Variants in PPM1D observed in about 807,000 individuals in gnomAD.
PPM1D encodes the protein protein phosphatase 1D.
Under a neutral mutation model 58.3 loss-of-function variants are expected in PPM1D, and 52 were observed. That is an observed-to-expected ratio of 0.89 (90% CI 0.71 to 1.12). The LOEUF (loss-of-function observed/expected upper bound fraction) is 1.12. Among genes scored for constraint, PPM1D ranks in the 50% most tolerant of loss-of-function variants. PPM1D has a pLI of 0.00. For synonymous variants in PPM1D, 278 were observed against 285.1 expected (o/e 0.98, Z 0.25); for missense variants, 564 against 777.2 (o/e 0.73, Z 3.26).
chr17:60,609,678 G>A (rs2030414308), intron 1 of PPM1D, among the ~76,000 whole-genome samples: 1 of 152,064 alleles, frequency 6.6e-6, no homozygotes, highest in Non-Finnish European at 1.5e-5. Context: ...TTAGTAGCTT[G>A]TTAGTCACTT....
At chr17:60,623,168 A>G (rs986794962) in intron 1 of PPM1D, among the ~76,000 whole-genome samples, 1 of 152,192 alleles carries the variant, frequency 6.6e-6, no homozygotes, top group Admixed American at 6.5e-5. Flanking sequence ...AAATGATACC[A>G]CAACTCTTGA....
intron 2 of PPM1D, 112 bp downstream of exon 2, chr17:60,623,861 T>C: frequency 9.3e-7 from 1 of 1,073,912 alleles, no homozygotes; most frequent in East Asian, 2.6e-5. Context: ...TTTCTTAGTA[T>C]TACAGGTTTT....
In PPM1D at chr17:60,600,795, G is replaced by T; in HGVS notation, c.381G>T (p.Gln127His). 6.2e-7 allele frequency: 1 copy of T among 1,612,996 alleles called. No individual in the cohort carries two copies. Among genetic ancestry groups the T allele is most frequent in the Non-Finnish European group, 8.5e-7 (1 of 1,180,004 alleles). ...REHLWGFIKK[Q>H]KGFTSSEPAK... ...ACTTGTGGGGTTTCATCAAGAAGCA[G>T]AAGGGTTTCACCTCGTCCGAGCCGG... Residue 127 changes from glutamine to histidine, a missense_variant, in exon 1 of 6, where the codon CAG (glutamine) becomes CAT (histidine). By Grantham distance (24) the Gln-to-His change is conservative. Coordinates refer to ENST00000305921, the MANE Select transcript of PPM1D (RefSeq NM_003620.4).
rs533664126 is a variant in PPM1D, at chr17:60,615,266, G to A, written c.473-8255G>A. Among the ~76,000 whole-genome samples the A allele has an allele frequency of 1.1e-4, 17 of 152,066 alleles. No individual in the cohort carries two copies. The East Asian group carries it at 2.1e-3, about 19-fold the overall frequency. On this transcript the variant is annotated intron_variant, in intron 1 of 5. Transcript: ENST00000305921. ...ACAAAAATTAGCTGGGCGTGGTGGC[G>A]TGCACCTGTAGCCAGCCCAGGCAAA...
intron 4 of PPM1D, among the ~76,000 whole-genome samples, chr17:60,649,663 T>A (rs537479353): frequency 6.6e-6 from 1 of 151,576 alleles, no homozygotes; most frequent in Non-Finnish European, 1.5e-5. Flanking sequence ...CACTCCAGCC[T>A]GGGCAATAAG....
At chr17:60,662,496 A>G (rs1168114481) in intron 5 of PPM1D, 2 of 153,054 alleles carry the variant, frequency 1.3e-5, no homozygotes, top group Admixed American at 1.3e-4. Flanking sequence ...GACTTTTATG[A>G]AAAATAGAGC....
intron 2 of PPM1D, among the ~76,000 whole-genome samples, chr17:60,626,337 C>T (rs2030806715): frequency 6.6e-6 from 1 of 151,684 alleles, no homozygotes; most frequent in Non-Finnish European, 1.5e-5. Flanking sequence ...ACTTTTTGAT[C>T]ATATCCAGTT....
intron 3 of PPM1D, among the ~76,000 whole-genome samples, chr17:60,643,883 C>CTTTTTT (rs71148308): frequency 0.035 from 3,353 of 97,084 alleles, 16 homozygotes; most frequent in East Asian, 0.046. Flanking sequence ...CTTTTCTTTT[C>CTTTTTT]TTTTTTTTTT....
chr17:60,648,371 AC>A (rs1031235362), intron 4 of PPM1D, among the ~76,000 whole-genome samples: 14 of 150,686 alleles, frequency 9.3e-5, no homozygotes, highest in Admixed American at 2.6e-4. Context: ...TAATTTCCAT[AC>A]CATAAAATTT....
intron 1 of PPM1D, among the ~76,000 whole-genome samples, chr17:60,611,313 G>A (rs1185735950): frequency 3.3e-5 from 5 of 152,174 alleles, no homozygotes; most frequent in Non-Finnish European, 7.3e-5. Flanking sequence ...AAGCCACCAT[G>A]CCTGGCCATG....
chr17:60,663,307 G>C lies in PPM1D; in HGVS notation c.1573G>C (p.Glu525Gln). The C allele has an allele frequency of 6.2e-7, 1 of 1,614,172 alleles. No individual in the cohort carries two copies. The highest frequency in any genetic ancestry group is 8.5e-7 in the Non-Finnish European group (1 of 1,180,022). The change falls in exon 6 of 6, where the codon GAA (glutamate) becomes CAA (glutamine). Residue 525 changes from glutamate (E) to glutamine (Q), a missense_variant. Coordinates refer to ENST00000305921, the MANE Select transcript of PPM1D (RefSeq NM_003620.4). ...MSTPGQMKAQ[E>Q]IERTPPTNFK... The stretch of plus-strand genomic sequence containing the variant: ...AACTCCTGGCCAAATGAAAGCCCAA[G>C]AAATTGAAAGAACCCCTCCAACAAA...
At position 60,600,879 on chromosome 17, in the gene PPM1D, G is replaced by A. The variant is rs2030194466; in HGVS notation, c.465G>A (p.Lys155=). 6.2e-7 allele frequency: 1 copy of A among 1,613,108 alleles called. No homozygotes were observed. The highest frequency in any genetic ancestry group is 8.5e-7 in the Non-Finnish European group (1 of 1,180,032). The change falls in exon 1 of 6, where the codon AAG becomes AAA. Residue 155 remains lysine (K), a synonymous_variant. Coordinates refer to ENST00000305921, the MANE Select transcript of PPM1D (RefSeq NM_003620.4). ...TCGCTTGTCACCTTGCCATGTGGAAGAAACTGGGTAAGTTCCCTGGCTTGT... is the reference window on the plus strand; with the variant it reads ...TCGCTTGTCACCTTGCCATGTGGAAAAAACTGGGTAAGTTCCCTGGCTTGT... ...GFLACHLAMW[K]KLAEWPKTMT... is the part of the protein sequence containing the mutation.
In PPM1D at chr17:60,642,432, C is replaced by A. The variant is rs540059692; in HGVS notation, c.827-5460C>A. Among the ~76,000 whole-genome samples the A allele has an allele frequency of 2.0e-5, 3 of 150,856 alleles. No individual in the cohort carries two copies. The East Asian group carries it at 5.9e-4, about 29-fold the overall frequency. On this transcript the variant is annotated intron_variant, in intron 3 of 5. Coordinates refer to ENST00000305921, the MANE Select transcript of PPM1D (RefSeq NM_003620.4). ...GATTTGTGAATTGGGTAGCCACCCCCGCCCACAGCAGATTCAGAGAGACTC... is the reference window on the plus strand; with the variant it reads ...GATTTGTGAATTGGGTAGCCACCCCAGCCCACAGCAGATTCAGAGAGACTC...
chr17:60,626,418 G>A (rs1404732033), intron 2 of PPM1D, among the ~76,000 whole-genome samples: 3 of 148,714 alleles, frequency 2.0e-5, no homozygotes, highest in East Asian at 2.0e-4. Flanking sequence ...TTTTTGAAAC[G>A]GAGTCTGGCT....
At chr17:60,654,302 A>G (rs956261264) in intron 4 of PPM1D, among the ~76,000 whole-genome samples, 1 of 140,038 alleles carries the variant, frequency 7.1e-6, no homozygotes, top group African/African-American at 2.7e-5. Context: ...AGAGAGTCTC[A>G]CTCTGTCACC....
chr17:60,609,538 A>C (rs550460537), intron 1 of PPM1D, among the ~76,000 whole-genome samples: 6 of 152,346 alleles, frequency 3.9e-5, no homozygotes, highest in Admixed American at 2.6e-4. Context: ...AACAATTTGT[A>C]AGTTTAACTT....
intron 1 of PPM1D, among the ~76,000 whole-genome samples, chr17:60,617,183 C>T (rs542876625): frequency 1.8e-4 from 27 of 149,626 alleles, no homozygotes; most frequent in Non-Finnish European, 3.7e-4. Flanking sequence ...AAGCTGGTCT[C>T]CTGGCCTCAA....
chr17:60,645,514 A>ATATATATGTATATATGTG (rs1178174382), intron 3 of PPM1D, among the ~76,000 whole-genome samples: 3 of 123,580 alleles, frequency 2.4e-5, no homozygotes, highest in African/African-American at 1.1e-4. Context: ...ATATATGTGT[A>ATATATATGTATATATGTG]TATATATGTA....
chr17:60,659,978 G>A (rs1379253533), intron 5 of PPM1D, among the ~76,000 whole-genome samples: 6 of 152,218 alleles, frequency 3.9e-5, no homozygotes, highest in African/African-American at 1.4e-4. Flanking sequence ...TTGGGAGGCC[G>A]AGGCGGGTGG....
Sources: allele counts gnomAD v4.1 joint callset (sites outside exome capture counted in the v4.1 genomes callset), GRCh38; gene constraint gnomAD v4.1.1; transcripts MANE v1.5; gene names NCBI Gene and HGNC (gene_info 2026-07-23, HGNC 2026-07-21).